Variants in ADGRL3 observed in about 807,000 individuals in gnomAD.
ADGRL3 encodes adhesion G protein-coupled receptor L3.
Under a neutral mutation model 153.5 loss-of-function variants are expected in ADGRL3, and 62 were observed. The ratio of observed to expected loss-of-function variants is 0.40; its 90% CI spans 0.33 to 0.50. ADGRL3 has a LOEUF of 0.50. ADGRL3 is among the 20% of genes least tolerant of loss of function. The pLI is 0.47. For synonymous variants in ADGRL3, 710 were observed against 672.5 expected (o/e 1.06, Z -0.86); for missense variants, 1,641 against 1,859.4 (o/e 0.88, Z 2.16).
chr4:61,996,802 A>G (rs192093176), intron 20 of ADGRL3, among the ~76,000 whole-genome samples: 119 of 152,256 alleles, frequency 7.8e-4, no homozygotes, highest in African/African-American at 2.7e-3. Context: ...TTAAAATTTA[A>G]AAGCAAAACT....
intron 11 of ADGRL3, among the ~76,000 whole-genome samples, chr4:61,902,874 G>A (rs2098672204): frequency 6.6e-6 from 1 of 152,150 alleles, no homozygotes; most frequent in South Asian, 2.1e-4. Flanking sequence ...TATTTGTACA[G>A]ATAAATTTTT....
intron 9 of ADGRL3, among the ~76,000 whole-genome samples, chr4:61,837,647 T>G (rs1410445676): frequency 6.6e-6 from 1 of 152,050 alleles, no homozygotes; most frequent in Non-Finnish European, 1.5e-5. Context: ...CAGCCTCATA[T>G]TTTTAGAAGT....
intron 21 of ADGRL3, among the ~76,000 whole-genome samples, chr4:62,007,552 A>G (rs1280370259): frequency 6.7e-6 from 1 of 149,164 alleles, no homozygotes; most frequent in Non-Finnish European, 1.5e-5. Context: ...AAGATCAAGT[A>G]TGAGTTTAGA....
chr4:62,062,959 A>T (rs180673498), intron 25 of ADGRL3, among the ~76,000 whole-genome samples: 3 of 152,258 alleles, frequency 2.0e-5, no homozygotes, highest in African/African-American at 7.2e-5. Flanking sequence ...ATTCCTCTTC[A>T]TAGAATTTCA....
chr4:61,903,769 T>G (rs1027344718), intron 11 of ADGRL3, among the ~76,000 whole-genome samples: 1 of 151,846 alleles, frequency 6.6e-6, no homozygotes, highest in Non-Finnish European at 1.5e-5. Context: ...ATAAACATAT[T>G]TATTTATTCA....
intron 9 of ADGRL3, among the ~76,000 whole-genome samples, chr4:61,884,688 G>C (rs1023698467): frequency 6.6e-6 from 1 of 151,792 alleles, no homozygotes; most frequent in African/African-American, 2.4e-5. Flanking sequence ...GCAATGGCGC[G>C]ATCTTGGCTC....
intron 13 of ADGRL3, 93 bp downstream of exon 13, chr4:61,912,850 C>A: frequency 8.4e-7 from 1 of 1,196,562 alleles, no homozygotes; most frequent in Non-Finnish European, 1.2e-6. Flanking sequence ...GATAATGTAC[C>A]TTACTGAAAT....
chr4:61,220,023 G>A (rs1430859487), intron 1 of ADGRL3, among the ~76,000 whole-genome samples: 2 of 151,248 alleles, frequency 1.3e-5, no homozygotes, highest in Non-Finnish European at 2.9e-5. Flanking sequence ...CAGGAGAATC[G>A]CTTGAACCTG....
chr4:61,331,177 T>C (rs530752847), intron 1 of ADGRL3, among the ~76,000 whole-genome samples: 65 of 152,188 alleles, frequency 4.3e-4, no homozygotes, highest in Non-Finnish European at 8.1e-4. Flanking sequence ...AAACTTTGCA[T>C]GCATTTTTGT....
chr4:61,694,645 G>C (rs1363792521), intron 6 of ADGRL3, among the ~76,000 whole-genome samples: 1 of 152,084 alleles, frequency 6.6e-6, no homozygotes, highest in African/African-American at 2.4e-5. Flanking sequence ...AGTTGCTGAA[G>C]GTTGGAACAG....
At chr4:61,391,307 G>A (rs1435354535) in intron 2 of ADGRL3, among the ~76,000 whole-genome samples, 1 of 151,994 alleles carries the variant, frequency 6.6e-6, no homozygotes, top group East Asian at 1.9e-4. Context: ...ACAGGTGGGG[G>A]TGGTGCCACA....
At chr4:61,601,278 C>T (rs2099010521) in intron 5 of ADGRL3, among the ~76,000 whole-genome samples, 1 of 152,086 alleles carries the variant, frequency 6.6e-6, no homozygotes, top group Non-Finnish European at 1.5e-5. Context: ...AACACCCATT[C>T]CTTTATCTTT....
At chr4:61,344,641 T>C (rs1278950204) in intron 1 of ADGRL3, among the ~76,000 whole-genome samples, 2 of 152,190 alleles carry the variant, frequency 1.3e-5, no homozygotes, top group East Asian at 1.9e-4. Flanking sequence ...AGAATGATCA[T>C]TGTGCCTGTC....
intron 21 of ADGRL3, among the ~76,000 whole-genome samples, chr4:62,004,713 T>A (rs1260936610): frequency 6.6e-6 from 1 of 152,084 alleles, no homozygotes; most frequent in Non-Finnish European, 1.5e-5. Context: ...ACTGAAGATG[T>A]GTTTTCCCAA....
At chr4:61,838,460 A>G (rs1281723315) in intron 9 of ADGRL3, among the ~76,000 whole-genome samples, 1 of 152,162 alleles carries the variant, frequency 6.6e-6, no homozygotes, top group Non-Finnish European at 1.5e-5. Flanking sequence ...AGGATGTAAG[A>G]TTGTCAAGCA....
chr4:61,517,270 CTG>C (rs2152901074), intron 3 of ADGRL3, 43 bp from the exon 4 acceptor site: 1 of 697,998 alleles, frequency 1.4e-6, no homozygotes, highest in Non-Finnish European at 2.6e-6. Context: ...TGAGGCGGGA[CTG>C]AGGTGAGCAG....
At chr4:61,325,355 A>G (rs370523982) in intron 1 of ADGRL3, among the ~76,000 whole-genome samples, 12 of 152,160 alleles carry the variant, frequency 7.9e-5, no homozygotes, top group African/African-American at 2.9e-4. Context: ...TAGCATGTAG[A>G]CAATTTATAA....
intron 1 of ADGRL3, among the ~76,000 whole-genome samples, chr4:61,314,948 A>T (rs2095153945): frequency 6.6e-6 from 1 of 152,234 alleles, no homozygotes. Context: ...TGTATCATTC[A>T]TTAATTCATT....
intron 6 of ADGRL3, among the ~76,000 whole-genome samples, chr4:61,708,790 A>C (rs2095903756): frequency 6.6e-6 from 1 of 152,026 alleles, no homozygotes; most frequent in African/African-American, 2.4e-5. Flanking sequence ...GCCAGTTCTT[A>C]AACTTTATTC....
Sources: allele counts gnomAD v4.1 joint callset (sites outside exome capture counted in the v4.1 genomes callset), GRCh38; gene constraint gnomAD v4.1.1; transcripts MANE v1.5; gene names NCBI Gene and HGNC (gene_info 2026-07-23, HGNC 2026-07-21).